The following DCC variants were observed in gnomAD, a reference collection of about 807,000 sequenced individuals.
DCC encodes the protein DCC netrin 1 receptor, also known as netrin receptor DCC.
A neutral mutation model predicts 172.5 loss-of-function variants in DCC; 58 were observed. The observed-to-expected ratio is 0.34, with a 90% CI of 0.27 to 0.42. DCC has a LOEUF of 0.42. Ranked by LOEUF, DCC falls within the 10% of genes least tolerant of loss-of-function variation. The pLI is 1.00. For synonymous variants in DCC, 709 were observed against 644.5 expected, an observed-to-expected ratio of 1.10 and a Z score of -1.52; for missense variants, 1,740 against 1,791.0, an observed-to-expected ratio of 0.97 and a Z score of 0.51.
At chr18:52,600,201 T>A (rs72914786) in intron 1 of DCC, among the ~76,000 whole-genome samples, 37,691 of 152,166 alleles carry the variant, frequency 0.25, 5,196 homozygotes, top group Middle Eastern at 0.34. Flanking sequence ...GAACTTTGAA[T>A]GATTTGCTTC....
chr18:53,387,387 C>T lies in DCC; in HGVS notation c.2455+1249C>T, dbSNP rs116934687. On this transcript the variant is annotated intron_variant, in intron 16 of 28. Transcript: ENST00000442544. ...CTCTTTGAATCTTTGACCATTGTTT[C>T]CAGGTCTACAATCTGTCTAAAGTAG... Among the ~76,000 whole-genome samples the T allele has an allele frequency of 7.7e-3, 1,168 of 152,220 alleles. 13 individuals are homozygous for T. Among genetic ancestry groups the T allele is most frequent in the Non-Finnish European group, 0.014 (928 of 67,998 alleles).
At chr18:52,817,633 G>T (rs1328041142) in intron 2 of DCC, among the ~76,000 whole-genome samples, 1 of 151,964 alleles carries the variant, frequency 6.6e-6, no homozygotes, top group Non-Finnish European at 1.5e-5. Context: ...TGATGACAAT[G>T]ATTTTTTTCA....
chr18:52,493,049 A>G (rs540960849), intron 1 of DCC, among the ~76,000 whole-genome samples: 2 of 152,126 alleles, frequency 1.3e-5, no homozygotes, highest in Non-Finnish European at 2.9e-5. Flanking sequence ...GAAAGGATGC[A>G]GATATACATA....
intron 5 of DCC, among the ~76,000 whole-genome samples, chr18:52,988,833 T>C (rs1169769932): frequency 6.6e-6 from 1 of 152,126 alleles, no homozygotes; most frequent in East Asian, 1.9e-4. Context: ...ACCATCCTTA[T>C]ACATACTAAA....
chr18:52,700,373 A>G (rs2036102394), intron 1 of DCC, among the ~76,000 whole-genome samples: 1 of 150,410 alleles, frequency 6.6e-6, no homozygotes, highest in Admixed American at 6.6e-5. Flanking sequence ...ACACACATGC[A>G]CACACATGCA....
intron 2 of DCC, among the ~76,000 whole-genome samples, chr18:52,763,636 A>G (rs915270999): frequency 6.6e-6 from 1 of 152,238 alleles, no homozygotes; most frequent in African/African-American, 2.4e-5. Flanking sequence ...TAGTTTATAT[A>G]CCATAACATT....
intron 2 of DCC, among the ~76,000 whole-genome samples, chr18:52,779,161 C>CTTT (rs201972311): frequency 4.0e-5 from 6 of 151,480 alleles, no homozygotes; most frequent in Admixed American, 3.3e-4. Flanking sequence ...ATCCATAAAT[C>CTTT]TTTTTTTTTA....
At chr18:53,078,116 G>A (rs2042747222) in intron 7 of DCC, among the ~76,000 whole-genome samples, 1 of 152,038 alleles carries the variant, frequency 6.6e-6, no homozygotes, top group South Asian at 2.1e-4. Flanking sequence ...TATTTATCGA[G>A]TACCCAGAAA....
chr18:52,593,338 G>A (rs981048249), intron 1 of DCC, among the ~76,000 whole-genome samples: 1 of 152,032 alleles, frequency 6.6e-6, no homozygotes, highest in East Asian at 1.9e-4. Flanking sequence ...CTCCCACTAC[G>A]TAAAACTCCC....
rs1233505776 is a variant in DCC, at chr18:53,515,031, A to G, written c.4112-11586A>G. Among the ~76,000 whole-genome samples, 7 of 151,988 alleles carry G rather than the reference A, an allele frequency of 4.6e-5. No homozygotes were observed. The East Asian group carries it at 5.8e-4, about 13-fold the overall frequency. ...TTTTAGACCAATATCCTTGATGAAC[A>G]TTGATGCAAAAATCCTCAATAAAAT... On this transcript the variant is annotated intron_variant, in intron 27 of 28. Transcript: ENST00000442544.
At chr18:53,372,432 C>T (rs1193798962) in intron 15 of DCC, among the ~76,000 whole-genome samples, 1 of 151,698 alleles carries the variant, frequency 6.6e-6, no homozygotes, top group African/African-American at 2.4e-5. Flanking sequence ...ACAAAGAGGG[C>T]AACAGCAGAC....
chr18:52,908,421 CAA>C (rs1334543528), intron 3 of DCC, among the ~76,000 whole-genome samples: 2 of 152,108 alleles, frequency 1.3e-5, no homozygotes, highest in Non-Finnish European at 2.9e-5. Context: ...ATTACATACA[CAA>C]AGTTTTAAAT....
rs144623089 is a variant in DCC at position 53,066,161 on chromosome 18, A to G, written c.1256A>G (p.Lys419Arg). Reference sequence around the variant, plus strand: ...ACCAGTGCACAGCTCATTGTCCCTAAGCCTGGTAAGACAATGGGAACCTTG... The same window carrying G: ...ACCAGTGCACAGCTCATTGTCCCTAGGCCTGGTAAGACAATGGGAACCTTG... ...AQTSAQLIVP[K>R]PAIPSSSVLP... is the part of the protein sequence containing the mutation. Residue 419 changes from lysine (K) to arginine (R), a missense_variant, in exon 7 of 29, where the codon AAG becomes AGG. Lys to Arg is a conservative substitution (Grantham distance 26). Transcript: ENST00000442544. 4.1e-3 allele frequency: 6,572 copies of G among 1,613,030 alleles called. 16 individuals carry two copies. Among genetic ancestry groups the G allele is most frequent in the Non-Finnish European group, 5.0e-3 (5,838 of 1,179,300 alleles).
intron 5 of DCC, among the ~76,000 whole-genome samples, chr18:53,008,247 C>A (rs896982154): frequency 3.7e-4 from 56 of 152,172 alleles, no homozygotes; most frequent in African/African-American, 1.3e-3. Context: ...TTATTGATAG[C>A]ACTTTGCTCA....
intron 21 of DCC, among the ~76,000 whole-genome samples, chr18:53,419,525 G>T (rs1219849002): frequency 6.6e-6 from 1 of 150,734 alleles, no homozygotes; most frequent in East Asian, 1.9e-4. Context: ...TTTTTGTTTT[G>T]ACTTTTGATT....
chr18:52,908,758 C>CT (rs1271667090), intron 3 of DCC, among the ~76,000 whole-genome samples: 2 of 152,114 alleles, frequency 1.3e-5, no homozygotes, highest in Non-Finnish European at 2.9e-5. Context: ...ACATGTTGTA[C>CT]TTTTGAGATG....
At chr18:52,429,098 A>C (rs1024711176) in intron 1 of DCC, among the ~76,000 whole-genome samples, 1 of 152,028 alleles carries the variant, frequency 6.6e-6, no homozygotes, top group Admixed American at 6.6e-5. Context: ...ATACAACACA[A>C]AAGTGACTAA....
At chr18:52,646,210 A>G (rs750515418) in intron 1 of DCC, among the ~76,000 whole-genome samples, 1 of 152,186 alleles carries the variant, frequency 6.6e-6, no homozygotes, top group Non-Finnish European at 1.5e-5. Flanking sequence ...GCAATAATAA[A>G]TGCGCTTTCT....
chr18:53,117,563 A>G (rs1457973817), intron 7 of DCC, among the ~76,000 whole-genome samples: 2 of 151,750 alleles, frequency 1.3e-5, no homozygotes, highest in Non-Finnish European at 2.9e-5. Flanking sequence ...TGCTGCTTAT[A>G]TGCAGACAAC....
Sources: gnomAD v4.1 joint callset for allele counts (sites outside exome capture counted in the v4.1 genomes callset) on GRCh38, gnomAD v4.1.1 for gene constraint, MANE v1.5 for transcripts, NCBI Gene and HGNC (gene_info 2026-07-23, HGNC 2026-07-21) for gene names.